The following PARD3B variants were observed in gnomAD, a reference collection of about 807,000 sequenced individuals.
The protein encoded by PARD3B is partitioning defective 3 homolog B.
Under a neutral mutation model 130.2 loss-of-function variants are expected in PARD3B, and 103 were observed. The observed-to-expected ratio is 0.79, with a 90% CI of 0.67 to 0.93. The LOEUF is 0.93. PARD3B is among the 40% of genes least tolerant of loss of function. PARD3B has a pLI of 0.00. For synonymous variants in PARD3B, 583 were observed against 553.2 expected (o/e 1.05, Z -0.76); for missense variants, 1,609 against 1,499.2 (o/e 1.07, Z -1.21).
At chr2:204,828,452 C>T (rs1266239203) in intron 2 of PARD3B, among the ~76,000 whole-genome samples, 8 of 152,220 alleles carry the variant, frequency 5.3e-5, no homozygotes, top group Non-Finnish European at 7.4e-5. Context: ...TTAAAAGCTC[C>T]GTAAGTAATT....
intron 2 of PARD3B, among the ~76,000 whole-genome samples, chr2:204,813,650 T>G (rs2043043544): frequency 6.6e-6 from 1 of 152,106 alleles, no homozygotes; most frequent in African/African-American, 2.4e-5. Flanking sequence ...CATTTTAAGT[T>G]TTCAAATTAG....
intron 18 of PARD3B, among the ~76,000 whole-genome samples, chr2:205,307,144 T>A (rs11692923): frequency 6.6e-6 from 1 of 151,962 alleles, no homozygotes; most frequent in Admixed American, 6.5e-5. Context: ...AGTGGTGTTC[T>A]TGTTCTTGTT....
chr2:205,235,282 C>A (rs1041791712), intron 15 of PARD3B, among the ~76,000 whole-genome samples: 3 of 151,986 alleles, frequency 2.0e-5, no homozygotes, highest in Non-Finnish European at 2.9e-5. Context: ...GTTAGTCGGG[C>A]ATGGTGGCAT....
At chr2:205,251,107 A>G (rs1204886693) in intron 16 of PARD3B, among the ~76,000 whole-genome samples, 1 of 152,172 alleles carries the variant, frequency 6.6e-6, no homozygotes, top group African/African-American at 2.4e-5. Flanking sequence ...ATATCAAGCT[A>G]TCTGATACAT....
At chr2:204,571,823 C>T (rs1318761475) in intron 1 of PARD3B, among the ~76,000 whole-genome samples, 1 of 152,078 alleles carries the variant, frequency 6.6e-6, no homozygotes, top group Non-Finnish European at 1.5e-5. Flanking sequence ...AATATTGTAA[C>T]AGAAATTAAT....
chr2:205,400,791 A>AGAAG (rs945164474), intron 18 of PARD3B, among the ~76,000 whole-genome samples: 13 of 152,308 alleles, frequency 8.5e-5, no homozygotes, highest in East Asian at 5.8e-4. Flanking sequence ...ATGAGTGAAA[A>AGAAG]GAAGGAAGGA....
rs2048920450 is a variant in PARD3B at position 205,473,680 on chromosome 2, G to GTGTA, written c.3045-26215_3045-26214insGTAT. On this transcript the variant is annotated intron_variant, in intron 20 of 22. Transcript: ENST00000406610. The surrounding 1 kb of genome is among the most constrained non-coding windows in gnomAD (Gnocchi z 4.9). ...TGTGTGTGTGTGTGTGTGTGTGTGT[G>GTGTA]TATGTATATATATATATATATATAT... Among the ~76,000 whole-genome samples the GTGTA allele has an allele frequency of 1.2e-5, 1 of 86,040 alleles. No individual in the cohort carries two copies. The highest frequency in any genetic ancestry group is 3.6e-4 in the South Asian group (1 of 2,786). The allele number at this position is 86,040 out of a possible 152,430, so 56.4% of individuals were successfully genotyped here.
rs374632337 is a variant in PARD3B at position 204,709,754 on chromosome 2, A to G, written c.222+23472A>G. 4.5e-4 allele frequency among the ~76,000 whole-genome samples: 69 copies of G among 152,342 alleles called. 1 individual carries two copies. In the South Asian group the frequency reaches 0.014, roughly 31 times the overall value. ...CAAAATCAGGCCAACAACAATTTCC[A>G]GACCAGGAATACTGTGGTGTTATAG... On this transcript the variant is annotated intron_variant, in intron 2 of 22. Transcript: ENST00000406610.
At chr2:205,219,074 T>C (rs912020581) in intron 15 of PARD3B, among the ~76,000 whole-genome samples, 3 of 150,878 alleles carry the variant, frequency 2.0e-5, no homozygotes, top group Admixed American at 1.3e-4. Flanking sequence ...AGGGAGACTC[T>C]GTTTAAAAAA....
At chr2:204,550,209 T>C (rs894537117) in intron 1 of PARD3B, among the ~76,000 whole-genome samples, 4 of 152,254 alleles carry the variant, frequency 2.6e-5, no homozygotes, top group African/African-American at 9.6e-5. Flanking sequence ...TCCTCCTGTA[T>C]ACTTTAAGTC....
chr2:205,476,481 T>C (rs139003696), intron 20 of PARD3B, among the ~76,000 whole-genome samples: 145 of 152,262 alleles, frequency 9.5e-4, no homozygotes, highest in Middle Eastern at 3.4e-3. Flanking sequence ...CCCTAAACTG[T>C]AGCAGTGAAT....
chr2:205,212,263 A>G (rs2037685284), intron 15 of PARD3B, among the ~76,000 whole-genome samples: 2 of 152,144 alleles, frequency 1.3e-5, no homozygotes, highest in South Asian at 2.1e-4. Flanking sequence ...AAATGCTGAC[A>G]AAGTTAAACA....
In PARD3B at chr2:205,341,421, G is replaced by C. The variant is rs2043526838; in HGVS notation, c.2630+39720G>C. On this transcript the variant is annotated intron_variant, in intron 18 of 22. Transcript: ENST00000406610. This position sits in a 1 kb window ranked among gnomAD's most constrained non-coding sequence, Gnocchi z 4.3. ...AATACTATTCAGCCATATAAAGAGTGAAATTCTGTCATTTGCAGCAACATG... is the reference window on the plus strand; with the variant it reads ...AATACTATTCAGCCATATAAAGAGTCAAATTCTGTCATTTGCAGCAACATG... Among the ~76,000 whole-genome samples, 1 of 152,104 alleles carries C rather than the reference G, an allele frequency of 6.6e-6. No homozygotes were observed. The highest frequency in any genetic ancestry group is 2.4e-5 in the African/African-American group (1 of 41,436).
chr2:204,847,379 A>T (rs1276143302), intron 2 of PARD3B, among the ~76,000 whole-genome samples: 3 of 152,186 alleles, frequency 2.0e-5, no homozygotes, highest in Non-Finnish European at 4.4e-5. Flanking sequence ...GTCTAGATTC[A>T]TGAAAAAAAC....
intron 16 of PARD3B, among the ~76,000 whole-genome samples, chr2:205,279,751 C>T (rs58248090): frequency 0.019 from 2,894 of 152,232 alleles, 76 homozygotes; most frequent in African/African-American, 0.064. Context: ...AGGGACATCA[C>T]TTCCCTAAAA....
chr2:205,271,105 A>G (rs549962235), intron 16 of PARD3B, among the ~76,000 whole-genome samples: 1 of 152,174 alleles, frequency 6.6e-6, no homozygotes, highest in Non-Finnish European at 1.5e-5. Context: ...TGTTACCATG[A>G]GCTTACCTGA....
At chr2:205,315,960 T>C (rs1478339721) in intron 18 of PARD3B, among the ~76,000 whole-genome samples, 5 of 152,162 alleles carry the variant, frequency 3.3e-5, no homozygotes, top group Admixed American at 6.6e-5. Context: ...AGTTTACACA[T>C]CTGTCTCGTG....
intron 18 of PARD3B, among the ~76,000 whole-genome samples, chr2:205,362,001 A>G (rs994312910): frequency 6.6e-6 from 1 of 151,260 alleles, no homozygotes. Flanking sequence ...TTAGAGTAAT[A>G]TTTTTTTTAG....
At chr2:204,749,361 T>C (rs961261317) in intron 2 of PARD3B, among the ~76,000 whole-genome samples, 9 of 152,262 alleles carry the variant, frequency 5.9e-5, no homozygotes, top group Admixed American at 3.3e-4. Context: ...ACAACACTCT[T>C]TTTATATAGT....
Sources: allele counts gnomAD v4.1 joint callset (sites outside exome capture counted in the v4.1 genomes callset), GRCh38; gene constraint gnomAD v4.1.1; non-coding constraint Gnocchi (gnomAD v3.1); transcripts MANE v1.5; gene names NCBI Gene and HGNC (gene_info 2026-07-23, HGNC 2026-07-21).